Variants in SH3PXD2B observed in about 807,000 individuals in gnomAD.
SH3PXD2B encodes SH3 and PX domain-containing protein 2B.
Under a neutral mutation model 73.1 loss-of-function variants are expected in SH3PXD2B, and 37 were observed. The observed-to-expected ratio is 0.51, with a 90% confidence interval of 0.39 to 0.67. The LOEUF (loss-of-function observed/expected upper bound fraction) is 0.67. SH3PXD2B is among the 30% of genes least tolerant of loss of function. SH3PXD2B has a pLI of 0.00. For missense variants in SH3PXD2B, 1,053 were observed against 1,197.8 expected (o/e 0.88, Z 1.78); for synonymous variants, 457 against 480.5 (o/e 0.95, Z 0.64).
chr5:172,429,911 G>C (rs1287517288), intron 1 of SH3PXD2B, among the ~76,000 whole-genome samples: 1 of 152,152 alleles, frequency 6.6e-6, no homozygotes, highest in African/African-American at 2.4e-5. Context: ...CCTCCTAACT[G>C]TCAGAGTGAC....
rs926032832 is a variant in SH3PXD2B at position 172,338,244 on chromosome 5, G to C, written c.*125C>G. On this transcript the variant is annotated 3_prime_UTR_variant, in exon 13 of 13. Transcript: ENST00000311601. The surrounding 1 kb of genome is among the most constrained non-coding windows in gnomAD (Gnocchi z 5.1). Reference sequence around the variant, plus strand: ...ACTCTCCACCCATGGGAGGCAAGAAGTCACAGTACCCCAGAGTCTGTCTGC... The same window carrying C: ...ACTCTCCACCCATGGGAGGCAAGAACTCACAGTACCCCAGAGTCTGTCTGC... The C allele has an allele frequency of 3.9e-5, 62 of 1,572,822 alleles. No homozygotes were observed. The highest frequency in any genetic ancestry group is 5.3e-5 in the Non-Finnish European group (62 of 1,160,776).
intron 1 of SH3PXD2B, among the ~76,000 whole-genome samples, chr5:172,453,003 C>G (rs889893096): frequency 1.3e-5 from 2 of 152,180 alleles, no homozygotes; most frequent in Non-Finnish European, 2.9e-5. Flanking sequence ...ACAATACAGA[C>G]TCACACAGCA....
chr5:172,413,994 GA>G (rs2113446870), intron 2 of SH3PXD2B, among the ~76,000 whole-genome samples: 1 of 152,340 alleles, frequency 6.6e-6, no homozygotes, highest in African/African-American at 2.4e-5. Context: ...CCTAGGGAGT[GA>G]AAACTCTTCA....
At chr5:172,441,423 C>T (rs1411617778) in intron 1 of SH3PXD2B, among the ~76,000 whole-genome samples, 1 of 152,216 alleles carries the variant, frequency 6.6e-6, no homozygotes, top group Admixed American at 6.5e-5. Flanking sequence ...ACGTCAGTGG[C>T]CGTTGCCTTA....
chr5:172,393,871 C>T (rs1240758317), intron 4 of SH3PXD2B, among the ~76,000 whole-genome samples: 1 of 152,078 alleles, frequency 6.6e-6, no homozygotes, highest in African/African-American at 2.4e-5. Flanking sequence ...CATCAAACAA[C>T]AGGGATTGGC....
chr5:172,420,214 TTC>T (rs1488358393), intron 2 of SH3PXD2B, among the ~76,000 whole-genome samples: 10 of 152,276 alleles, frequency 6.6e-5, no homozygotes, highest in South Asian at 4.1e-4. Context: ...TTTATTTACA[TTC>T]TGTTTGCTGC....
At chr5:172,383,458 AG>A in intron 4 of SH3PXD2B, among the ~76,000 whole-genome samples, 1 of 152,262 alleles carries the variant, frequency 6.6e-6, no homozygotes, top group African/African-American at 2.4e-5. Flanking sequence ...ACAGAAGTGC[AG>A]GGTACACTCT....
Position 172,394,548 on chromosome 5 carries a change from A to G in SH3PXD2B, c.309+15T>C, listed in dbSNP as rs1355733965. The G allele has an allele frequency of 1.9e-6, 3 of 1,613,850 alleles. No homozygotes were observed. The highest frequency in any genetic ancestry group is 1.1e-5 in the South Asian group (1 of 91,062). ...CACCTACAGGGAAGACTGCGTGGGC[A>G]TTTCTCAGCCTTACCTTACAGTATT... is the stretch of plus-strand genomic sequence containing the variant. On this transcript the variant is annotated intron_variant, in intron 4 of 12. Transcript: ENST00000311601.
rs529154450 is a variant in SH3PXD2B at position 172,325,762 on chromosome 5, TTTTTGTTTTG to T, written c.1189-392_1189-383del. Among the ~76,000 whole-genome samples, 420 of 151,826 alleles carry T rather than the reference TTTTTGTTTTG, an allele frequency of 2.8e-3. 4 individuals are homozygous for T. The highest frequency in any genetic ancestry group is 8.9e-3 in the African/African-American group (368 of 41,390). ...TCACTGCTTAAAGGCCCTGCCTGGT[TTTTTGTTTTG>T]TTTTGTTTTGTTTTGTTTTGTTTTT... On this transcript the variant is annotated intron_variant, in intron 12 of 12. Coordinates refer to the SH3PXD2B transcript ENST00000519643.
chr5:172,402,194 G>GT (rs1429021238), intron 3 of SH3PXD2B, among the ~76,000 whole-genome samples: 2 of 152,178 alleles, frequency 1.3e-5, no homozygotes, highest in Non-Finnish European at 2.9e-5. Flanking sequence ...ATGGTTGTAT[G>GT]TAAGGGATGA....
At chr5:172,329,057 G>GTATA (rs1561884386), downstream of SH3PXD2B, among the ~76,000 whole-genome samples, 4 of 105,146 alleles carry the variant, frequency 3.8e-5, no homozygotes, top group Non-Finnish European at 5.7e-5. Flanking sequence ...GTGTGTGTGT[G>GTATA]TGTATATATA....
chr5:172,446,580 G>A (rs1407738403), intron 1 of SH3PXD2B, among the ~76,000 whole-genome samples: 1 of 152,196 alleles, frequency 6.6e-6, no homozygotes, highest in Non-Finnish European at 1.5e-5. Context: ...CGGCGGGAAC[G>A]GCACAGTCCC....
intron 12 of SH3PXD2B, among the ~76,000 whole-genome samples, chr5:172,340,362 T>G (rs17074670): frequency 0.027 from 4,138 of 152,208 alleles, 192 homozygotes; most frequent in African/African-American, 0.094. Context: ...ATCTATTGAC[T>G]CTCAGCTCCT....
chr5:172,390,648 C>T (rs1365047136), intron 4 of SH3PXD2B, among the ~76,000 whole-genome samples: 1 of 152,168 alleles, frequency 6.6e-6, no homozygotes, highest in African/African-American at 2.4e-5. Context: ...TGGATCACTT[C>T]CAGTTGTTGG....
At chr5:172,341,351 G>A (rs1338228785) in intron 12 of SH3PXD2B, among the ~76,000 whole-genome samples, 1 of 152,298 alleles carries the variant, frequency 6.6e-6, no homozygotes, top group South Asian at 2.1e-4. Flanking sequence ...GTGGGGCCTG[G>A]TGGGAGGTGT....
chr5:172,406,385 C>T, intron 2 of SH3PXD2B, 33 bp from the exon 3 acceptor site: 1 of 1,604,716 alleles, frequency 6.2e-7, no homozygotes, highest in East Asian at 2.2e-5. Flanking sequence ...AAACAAAAAC[C>T]TTTCATAATG....
At chr5:172,382,305 G>C (rs1757967396) in intron 4 of SH3PXD2B, among the ~76,000 whole-genome samples, 178 bp from the exon 5 acceptor site, 1 of 152,206 alleles carries the variant, frequency 6.6e-6, no homozygotes, top group Non-Finnish European at 1.5e-5. Flanking sequence ...GACAGAGCGA[G>C]ACTGTCTCAA....
intron 3 of SH3PXD2B, 95 bp downstream of exon 3, chr5:172,406,182 G>A: frequency 7.4e-7 from 1 of 1,359,854 alleles, no homozygotes; most frequent in Non-Finnish European, 1.0e-6. Flanking sequence ...GGTGTCCCCT[G>A]ATAAAGGAAG....
At chr5:172,448,838 A>C (rs1228923166) in intron 1 of SH3PXD2B, among the ~76,000 whole-genome samples, 1 of 152,188 alleles carries the variant, frequency 6.6e-6, no homozygotes, top group Non-Finnish European at 1.5e-5. Context: ...TTTCCACTCA[A>C]CTTTGCTGCC....
Sources: gnomAD v4.1 joint callset for allele counts (sites outside exome capture counted in the v4.1 genomes callset) on GRCh38, gnomAD v4.1.1 for gene constraint, Gnocchi (gnomAD v3.1) non-coding constraint, MANE v1.5 for transcripts, NCBI Gene and HGNC (gene_info 2026-07-23, HGNC 2026-07-21) for gene names.